The following RRM2 variants were observed in gnomAD, a reference collection of about 807,000 sequenced individuals.
RRM2 encodes the protein ribonucleotide reductase regulatory subunit M2.
Under a neutral mutation model 45.9 loss-of-function variants are expected in RRM2, and 6 were observed. That is an observed-to-expected ratio of 0.13 (90% CI 0.07 to 0.26). The LOEUF (loss-of-function observed/expected upper bound fraction) is 0.26. Among genes scored for constraint, RRM2 ranks in the 10% least tolerant of loss-of-function variants. The probability of loss-of-function intolerance (pLI) is 1.00; values close to 1 mark genes in which losing one functional copy is unlikely to be tolerated. For missense variants in RRM2, 343 were observed against 489.5 expected (o/e 0.70, Z 2.82); for synonymous variants, 177 against 173.0 (o/e 1.02, Z -0.18).
chr2:10,206,185 G>A (rs1334149043), intron 3 of RRM2, among the ~76,000 whole-genome samples: 1 of 150,658 alleles, frequency 6.6e-6, no homozygotes, highest in Non-Finnish European at 1.5e-5. Context: ...GGCGGAGCTT[G>A]CAGTGAGCTG....
chr2:10,202,839 T>A (rs1307562255), intron 3 of RRM2, among the ~76,000 whole-genome samples: 3 of 151,612 alleles, frequency 2.0e-5, no homozygotes, highest in Non-Finnish European at 4.4e-5. Context: ...CTCAAGCGAT[T>A]TGCCTGCCTC....
At chr2:10,137,912 G>C (rs1250498109), upstream of RRM2, among the ~76,000 whole-genome samples, 3 of 152,352 alleles carry the variant, frequency 2.0e-5, no homozygotes, top group African/African-American at 7.2e-5. Context: ...CCTCTGGACT[G>C]ATGTGGGTCC....
At chr2:10,136,629 C>T (rs992004346), upstream of RRM2, among the ~76,000 whole-genome samples, 1 of 152,118 alleles carries the variant, frequency 6.6e-6, no homozygotes, top group Admixed American at 6.5e-5. Flanking sequence ...AAAAATTAGC[C>T]ATGTGTGGTG....
At position 10,195,981 on chromosome 2, in the gene RRM2, G is replaced by A. The variant is rs938156206; in HGVS notation, n.483-14330G>A. Among the ~76,000 whole-genome samples the A allele has an allele frequency of 5.3e-5, 8 of 152,226 alleles. No individual in the cohort carries two copies. The highest frequency in any genetic ancestry group is 2.1e-4 in the South Asian group (1 of 4,822). On this transcript the variant is annotated intron_variant and non_coding_transcript_variant, in intron 3 of 3. Transcript: ENST00000381786. The surrounding 1 kb of genome is among the most constrained non-coding windows in gnomAD (Gnocchi z 4.9). ...TGCCTGGTGCAGCTGCAGCCGTCTT[G>A]CTACCAGCAGGGCAAGGCAGAGCCG...
chr2:10,171,677 G>A lies in RRM2; in HGVS notation n.482+29302G>A, dbSNP rs982247219. Reference sequence around the variant, plus strand: ...TCAGGACGACACGGATGCCACCCCAGGACCCCTGGCATAGGGAGCCGAGCA... The same window carrying A: ...TCAGGACGACACGGATGCCACCCCAAGACCCCTGGCATAGGGAGCCGAGCA... On this transcript the variant is annotated intron_variant and non_coding_transcript_variant, in intron 3 of 3. Transcript: ENST00000381786. This position sits in a 1 kb window ranked among gnomAD's most constrained non-coding sequence, Gnocchi z 4.1. Among the ~76,000 whole-genome samples the A allele has an allele frequency of 6.6e-6, 1 of 152,188 alleles. No homozygotes were observed. The highest frequency in any genetic ancestry group is 2.4e-5 in the African/African-American group (1 of 41,440).
rs1443947953 is a variant in RRM2, at chr2:10,172,103, CTG to C, written n.482+29732_482+29733del. On this transcript the variant is annotated intron_variant and non_coding_transcript_variant, in intron 3 of 3. Transcript: ENST00000381786. This position sits in a 1 kb window ranked among gnomAD's most constrained non-coding sequence, Gnocchi z 4.9. ...ATGAGTGCATTAACAGGGGGAACGTCTGTGTTTACAGGGCATGCGTTTGGGAG... is the reference window on the plus strand; with the variant it reads ...ATGAGTGCATTAACAGGGGGAACGTCTGTTTACAGGGCATGCGTTTGGGAG... 1.3e-5 allele frequency among the ~76,000 whole-genome samples: 2 copies of C among 152,230 alleles called. No homozygotes were observed. Among genetic ancestry groups the C allele is most frequent in the East Asian group, 1.9e-4 (1 of 5,202 alleles).
chr2:10,164,884 G>C (rs999112946), intron 3 of RRM2, among the ~76,000 whole-genome samples: 15 of 152,328 alleles, frequency 9.8e-5, no homozygotes, highest in African/African-American at 3.6e-4. Flanking sequence ...GCTGCCACTG[G>C]CTGCCATCAC....
chr2:10,155,457 G>T (rs190197993), intron 3 of RRM2, among the ~76,000 whole-genome samples: 1 of 152,186 alleles, frequency 6.6e-6, no homozygotes, highest in African/African-American at 2.4e-5. Context: ...GGGGATGTGG[G>T]CCTGGAATTA....
rs368378629 is a variant in RRM2 at position 10,122,947 on chromosome 2, C to T, written c.100-36C>T. 3.5e-5 allele frequency: 54 copies of T among 1,546,208 alleles called. No individual in the cohort carries two copies. In the African/African-American group the frequency reaches 7.1e-4, roughly 20 times the overall value. On this transcript the variant is annotated intron_variant, in intron 1 of 9. Coordinates refer to ENST00000304567, the MANE Select transcript of RRM2 (RefSeq NM_001034.4). The stretch of plus-strand genomic sequence containing the variant: ...GGGCAGGGGAGGGAGGCAGGGAAAG[C>T]GAAGCCGCTCCTCACTCACACGCGT...
chr2:10,129,062 C>T lies in RRM2; in HGVS notation c.925C>T (p.Pro309Ser). 1 of 1,614,106 alleles carries T rather than the reference C, an allele frequency of 6.2e-7. No individual in the cohort carries two copies. The highest frequency in any genetic ancestry group is 8.5e-7 in the Non-Finnish European group (1 of 1,179,974). ...CTAGGAGTTCCTCACTGAGGCCTTGCCTGTGAAGCTCATTGGGATGAATTG... is the reference window on the plus strand; with the variant it reads ...CTAGGAGTTCCTCACTGAGGCCTTGTCTGTGAAGCTCATTGGGATGAATTG... The part of the protein sequence containing the change: ...IEQEFLTEAL[P>S]VKLIGMNCTL... The change falls in exon 9 of 10, where the codon CCT becomes TCT. Residue 309 changes from proline to serine, a missense_variant. Pro to Ser is a moderately conservative substitution (Grantham distance 74, BLOSUM62 -1). Transcript: ENST00000304567. This position sits in a 1 kb window ranked among gnomAD's most constrained non-coding sequence, Gnocchi z 4.8.
chr2:10,188,037 G>T (rs901702993), intron 3 of RRM2, among the ~76,000 whole-genome samples: 1 of 152,190 alleles, frequency 6.6e-6, no homozygotes, highest in African/African-American at 2.4e-5. Context: ...TACTCTAGGG[G>T]GTTCCGATGC....
chr2:10,136,387 C>A (rs1477366177), downstream of RRM2, among the ~76,000 whole-genome samples: 1 of 152,098 alleles, frequency 6.6e-6, no homozygotes, highest in African/African-American at 2.4e-5. Context: ...TGCTGTCCTT[C>A]CAAGCTTTGG....
intron 3 of RRM2, among the ~76,000 whole-genome samples, chr2:10,167,374 C>T (rs1663704704): frequency 6.6e-6 from 1 of 152,204 alleles, no homozygotes; most frequent in African/African-American, 2.4e-5. Flanking sequence ...GAATGCCCTG[C>T]TGCTGAGGTC....
chr2:10,186,706 G>A (rs568538130), intron 3 of RRM2, among the ~76,000 whole-genome samples: 7 of 152,206 alleles, frequency 4.6e-5, no homozygotes, highest in Non-Finnish European at 7.3e-5. Flanking sequence ...GGGACTTAGC[G>A]TAGGTCCTGC....
intron 3 of RRM2, among the ~76,000 whole-genome samples, chr2:10,183,114 C>T (rs1271279438): frequency 5.3e-5 from 8 of 152,206 alleles, no homozygotes; most frequent in East Asian, 3.9e-4. Flanking sequence ...GAGACTGCAG[C>T]GAACTATGAT....
intron 3 of RRM2, among the ~76,000 whole-genome samples, chr2:10,180,667 C>T (rs1283729491): frequency 1.3e-5 from 2 of 152,206 alleles, no homozygotes; most frequent in Non-Finnish European, 2.9e-5. Context: ...CCTCTCCATC[C>T]TTTAGGGCTT....
rs1020572694 is a variant in RRM2, at chr2:10,205,935, C to T, written n.483-4376C>T. Among the ~76,000 whole-genome samples, 40 of 152,226 alleles carry T rather than the reference C, an allele frequency of 2.6e-4. No homozygotes were observed. Among genetic ancestry groups the T allele is most frequent in the African/African-American group, 8.9e-4 (37 of 41,568 alleles). On this transcript the variant is annotated intron_variant and non_coding_transcript_variant, in intron 3 of 3. Coordinates refer to the RRM2 transcript ENST00000381786. This position sits in a 1 kb window ranked among gnomAD's most constrained non-coding sequence, Gnocchi z 4.8. ...CTCGAACTCCTGACCTCATATGATC[C>T]TCCCGCCTTGGCTTCCCAAAGTTCT...
chr2:10,157,053 G>A (rs868367451), intron 3 of RRM2, among the ~76,000 whole-genome samples: 1 of 115,332 alleles, frequency 8.7e-6, no homozygotes, highest in Non-Finnish European at 1.6e-5. Context: ...ATGGAGTCTC[G>A]CTCTGTCGCC....
chr2:10,152,449 T>G (rs535445009), intron 3 of RRM2, among the ~76,000 whole-genome samples: 9 of 151,874 alleles, frequency 5.9e-5, no homozygotes, highest in South Asian at 4.2e-4. Context: ...CTTTTTTTTC[T>G]TTTATAGTTT....
Sources: gnomAD v4.1 joint callset for allele counts (sites outside exome capture counted in the v4.1 genomes callset) on GRCh38, gnomAD v4.1.1 for gene constraint, Gnocchi (gnomAD v3.1) non-coding constraint, MANE v1.5 for transcripts, NCBI Gene and HGNC (gene_info 2026-07-23, HGNC 2026-07-21) for gene names.